Variants in HDAC9 observed in about 807,000 individuals in gnomAD.
HDAC9 encodes histone deacetylase 9.
In HDAC9, 41 loss-of-function variants were observed where a neutral mutation model predicts 139.4. That is an observed-to-expected ratio of 0.29 (90% CI 0.23 to 0.38). The LOEUF (loss-of-function observed/expected upper bound fraction) is 0.38, where lower values mean the gene tolerates loss of function less well. Ranked by LOEUF, HDAC9 falls within the 10% of genes least tolerant of loss-of-function variation. HDAC9 has a pLI of 1.00. For synonymous variants in HDAC9, 517 were observed against 476.2 expected, an observed-to-expected ratio of 1.09 and a Z score of -1.12; for missense variants, 1,147 against 1,297.0, an observed-to-expected ratio of 0.88 and a Z score of 1.78.
intron 2 of HDAC9, among the ~76,000 whole-genome samples, chr7:18,497,590 C>T (rs1397428029): frequency 4.6e-5 from 7 of 152,154 alleles, no homozygotes; most frequent in Non-Finnish European, 1.0e-4. Context: ...GCCTGCTTAA[C>T]AAAAGCAAAC....
intron 1 of HDAC9, among the ~76,000 whole-genome samples, chr7:18,468,914 A>G (rs528473684): frequency 2.6e-4 from 39 of 152,254 alleles, no homozygotes; most frequent in Admixed American, 7.2e-4. Context: ...TAAAAGATAA[A>G]TCTCTGTATT....
chr7:18,819,753 A>G (rs558406097), intron 17 of HDAC9, among the ~76,000 whole-genome samples: 2 of 152,354 alleles, frequency 1.3e-5, no homozygotes, highest in African/African-American at 4.8e-5. Flanking sequence ...AAATACTGCC[A>G]AAGTTCTATT....
chr7:18,446,711 G>A (rs1282756431), intron 1 of HDAC9, among the ~76,000 whole-genome samples: 4 of 151,918 alleles, frequency 2.6e-5, no homozygotes, highest in African/African-American at 9.7e-5. Flanking sequence ...CGTAGATGTA[G>A]AACATATATT....
intron 21 of HDAC9, among the ~76,000 whole-genome samples, chr7:18,863,857 G>C (rs1365785274): frequency 6.6e-6 from 1 of 152,146 alleles, no homozygotes; most frequent in African/African-American, 2.4e-5. Context: ...CTAGGCCTCT[G>C]GGGAAAATCA....
intron 21 of HDAC9, among the ~76,000 whole-genome samples, chr7:18,850,097 A>G (rs1005158012): frequency 1.3e-4 from 19 of 151,950 alleles, no homozygotes; most frequent in South Asian, 2.1e-4. Flanking sequence ...AAAAAAAAAA[A>G]AAAGAAAACA....
At chr7:18,157,153 C>T (rs182167303) in intron 1 of HDAC9, among the ~76,000 whole-genome samples, 2 of 152,264 alleles carry the variant, frequency 1.3e-5, no homozygotes, top group African/African-American at 4.8e-5. Context: ...GACAGAGACA[C>T]AAAAGCATGG....
At chr7:18,356,547 C>T (rs575599070) in intron 1 of HDAC9, among the ~76,000 whole-genome samples, 1 of 151,984 alleles carries the variant, frequency 6.6e-6, no homozygotes, top group Non-Finnish European at 1.5e-5. Flanking sequence ...CTCCCTTTCA[C>T]CTCTGGCTAT....
At chr7:18,760,676 G>C (rs982688219) in intron 14 of HDAC9, among the ~76,000 whole-genome samples, 3 of 152,204 alleles carry the variant, frequency 2.0e-5, no homozygotes, top group African/African-American at 4.8e-5. Flanking sequence ...AGCACGTCAA[G>C]GCAGTGTTAA....
intron 2 of HDAC9, among the ~76,000 whole-genome samples, chr7:18,568,596 C>T (rs1233333166): frequency 6.6e-6 from 1 of 152,112 alleles, no homozygotes; most frequent in East Asian, 1.9e-4. Context: ...ATACTTAGAA[C>T]TTGTTTTATA....
chr7:18,172,859 C>T (rs1019900913), intron 2 of HDAC9, among the ~76,000 whole-genome samples: 1 of 152,168 alleles, frequency 6.6e-6, no homozygotes, highest in Non-Finnish European at 1.5e-5. Flanking sequence ...CTGAGGAGTG[C>T]TTTACTTCCA....
At chr7:18,498,675 G>T (rs1432491467) in intron 2 of HDAC9, among the ~76,000 whole-genome samples, 1 of 152,012 alleles carries the variant, frequency 6.6e-6, no homozygotes, top group African/African-American at 2.4e-5. Context: ...CACTGTTCTA[G>T]GAGTCAGACA....
intron 1 of HDAC9, among the ~76,000 whole-genome samples, chr7:18,439,061 G>A (rs1404318869): frequency 6.6e-6 from 1 of 152,140 alleles, no homozygotes; most frequent in Non-Finnish European, 1.5e-5. Flanking sequence ...AACTTTGGAT[G>A]AGTGTGAGTA....
intron 1 of HDAC9, among the ~76,000 whole-genome samples, chr7:18,427,308 T>C (rs994286726): frequency 2.6e-5 from 4 of 152,172 alleles, no homozygotes; most frequent in Non-Finnish European, 4.4e-5. Flanking sequence ...CAGTCCCCAA[T>C]TGCCAGAGAA....
chr7:18,938,863 A>C (rs1781835960), intron 23 of HDAC9, among the ~76,000 whole-genome samples: 1 of 152,218 alleles, frequency 6.6e-6, no homozygotes, highest in South Asian at 2.1e-4. Flanking sequence ...AAAGAATGAC[A>C]ATGATGTCAC....
At chr7:18,293,596 T>C (rs959377463) in intron 1 of HDAC9, among the ~76,000 whole-genome samples, 1 of 152,158 alleles carries the variant, frequency 6.6e-6, no homozygotes. Context: ...TCTTGGTTTT[T>C]TTCTTTTTCT....
intron 19 of HDAC9, among the ~76,000 whole-genome samples, chr7:18,830,662 T>A (rs1474841986): frequency 6.6e-6 from 1 of 152,174 alleles, no homozygotes; most frequent in Non-Finnish European, 1.5e-5. Flanking sequence ...CGATACCCAT[T>A]TGTTGTGCTT....
chr7:18,713,945 A>T (rs1784523204), intron 12 of HDAC9, among the ~76,000 whole-genome samples: 2 of 152,206 alleles, frequency 1.3e-5, no homozygotes, highest in African/African-American at 2.4e-5. Flanking sequence ...TGATATATTA[A>T]TGATCAATTT....
intron 2 of HDAC9, among the ~76,000 whole-genome samples, chr7:18,214,475 T>C (rs771253618): frequency 1.3e-5 from 2 of 152,112 alleles, no homozygotes; most frequent in African/African-American, 2.4e-5. Flanking sequence ...ATCTCTCTCA[T>C]CCCACCTTGT....
intron 1 of HDAC9, among the ~76,000 whole-genome samples, chr7:18,313,176 A>G (rs908296622): frequency 6.6e-6 from 1 of 152,128 alleles, no homozygotes; most frequent in South Asian, 2.1e-4. Context: ...AGAATATTTT[A>G]GCTGATTTCA....
Sources: gnomAD v4.1 joint callset for allele counts (sites outside exome capture counted in the v4.1 genomes callset) on GRCh38, gnomAD v4.1.1 for gene constraint, MANE v1.5 for transcripts, NCBI Gene and HGNC (gene_info 2026-07-23, HGNC 2026-07-21) for gene names.